Variants in MCF2L2 observed in about 807,000 individuals in gnomAD.
MCF2L2 encodes the protein MCF.2 cell line derived transforming sequence-like 2, also known as probable guanine nucleotide exchange factor MCF2L2.
Under a neutral mutation model 150.2 loss-of-function variants are expected in MCF2L2, and 102 were observed. The observed-to-expected ratio is 0.68, with a 90% CI of 0.58 to 0.80. The LOEUF (loss-of-function observed/expected upper bound fraction) is 0.80. Among genes scored for constraint, MCF2L2 ranks in the 30% least tolerant of loss-of-function variants. The pLI, the probability that MCF2L2 is intolerant of heterozygous loss-of-function variation, is 0.00. For synonymous variants in MCF2L2, 465 were observed against 491.3 expected, an observed-to-expected ratio of 0.95 and a Z score of 0.71; for missense variants, 1,256 against 1,372.8, an observed-to-expected ratio of 0.91 and a Z score of 1.34.
chr3:183,276,908 T>C lies in MCF2L2; in HGVS notation c.1826A>G (p.Glu609Gly). The part of the protein sequence containing the change: ...SHHERGNPEL[E>G]QQARLGDLSP... Reference sequence around the variant, plus strand: ...AAGGTCTCCGAGCCTGGCCTGCTGCTCCAGCTCAGGGTTCCCCCTTTCATG... The same window carrying C: ...AAGGTCTCCGAGCCTGGCCTGCTGCCCCAGCTCAGGGTTCCCCCTTTCATG... The change falls in exon 15 of 30, where the codon GAG becomes GGG. Residue 609 changes from glutamate to glycine, a missense_variant. Glu to Gly is a moderately conservative substitution (Grantham distance 98). Transcript: ENST00000328913. 6.2e-7 allele frequency: 1 copy of C among 1,611,388 alleles called. No homozygotes were observed. The highest frequency in any genetic ancestry group is 8.5e-7 in the Non-Finnish European group (1 of 1,178,642).
chr3:183,308,081 A>G (rs939618449), intron 10 of MCF2L2, among the ~76,000 whole-genome samples: 5 of 152,082 alleles, frequency 3.3e-5, no homozygotes. Context: ...TTTCTTTTTT[A>G]TATCACTTGT....
At chr3:183,228,797 A>G (rs1403040246) in intron 17 of MCF2L2, among the ~76,000 whole-genome samples, 2 of 152,200 alleles carry the variant, frequency 1.3e-5, no homozygotes, top group African/African-American at 2.4e-5. Context: ...AGTAACGTTC[A>G]TAAGAACTGC....
At chr3:183,357,359 A>C (rs1047079485) in intron 3 of MCF2L2, among the ~76,000 whole-genome samples, 8 of 152,212 alleles carry the variant, frequency 5.3e-5, no homozygotes, top group African/African-American at 1.9e-4. Flanking sequence ...CGATCTAAGG[A>C]GTGCTAAGAG....
chr3:183,336,866 T>A (rs2262300), intron 5 of MCF2L2, among the ~76,000 whole-genome samples: 82,199 of 114,308 alleles, frequency 0.72, 26,732 homozygotes, highest in Admixed American at 0.76. Context: ...AAAAAAAAAA[T>A]ATATATATAT....
At chr3:183,263,864 C>T (rs1725847177) in intron 15 of MCF2L2, among the ~76,000 whole-genome samples, 1 of 152,188 alleles carries the variant, frequency 6.6e-6, no homozygotes, top group Non-Finnish European at 1.5e-5. Context: ...GGTCATTCAT[C>T]AGGTCCTGCT....
intron 15 of MCF2L2, among the ~76,000 whole-genome samples, chr3:183,239,830 C>T (rs867312078): frequency 3.9e-5 from 6 of 152,220 alleles, no homozygotes; most frequent in African/African-American, 1.4e-4. Context: ...TTGTCTTCCT[C>T]CTAGACCTTT....
chr3:183,203,074 A>G (rs2108643922), intron 25 of MCF2L2, among the ~76,000 whole-genome samples: 1 of 152,206 alleles, frequency 6.6e-6, no homozygotes, highest in South Asian at 2.1e-4. Flanking sequence ...TTAGCCAGGC[A>G]TGGTGGCGTG....
chr3:183,294,486 G>T (rs887394165), intron 13 of MCF2L2, among the ~76,000 whole-genome samples: 2 of 150,360 alleles, frequency 1.3e-5, no homozygotes, highest in African/African-American at 4.9e-5. Context: ...TGAGTAGCTG[G>T]GATTACAGGC....
chr3:183,228,302 T>C lies in MCF2L2; in HGVS notation c.2110A>G (p.Lys704Glu). Residue 704 changes from lysine (K) to glutamate (E), a missense_variant, in exon 18 of 30, where the codon AAG becomes GAG. Physicochemically the swap from Lys to Glu is moderately conservative, Grantham distance 56. Transcript: ENST00000328913. ...TACTGGGAGTACAGACTTACTCTCTTGAGAAAGCAATGTGCCAGAAGTTCA... is the reference window on the plus strand; with the variant it reads ...TACTGGGAGTACAGACTTACTCTCTCGAGAAAGCAATGTGCCAGAAGTTCA... ...NPELLAHCFL[K>E]RKEDLQIYFK... 6.2e-7 allele frequency: 1 copy of C among 1,608,626 alleles called. No individual in the cohort carries two copies. The highest frequency in any genetic ancestry group is 8.5e-7 in the Non-Finnish European group (1 of 1,175,116).
chr3:183,286,867 C>T lies in MCF2L2; in HGVS notation c.1776+2253G>A, dbSNP rs138011272. Among the ~76,000 whole-genome samples the T allele has an allele frequency of 1.7e-3, 254 of 152,258 alleles. 2 individuals carry two copies. The highest frequency in any genetic ancestry group is 7.9e-3 in the South Asian group (38 of 4,824). Reference sequence around the variant, plus strand: ...TGTGGGAGAAGCTTTTCATTAAATACGCAAACAAATCAACAATAAGGAAGA... The same window carrying T: ...TGTGGGAGAAGCTTTTCATTAAATATGCAAACAAATCAACAATAAGGAAGA... On this transcript the variant is annotated intron_variant, in intron 14 of 29. Coordinates refer to ENST00000328913, the MANE Select transcript of MCF2L2 (RefSeq NM_015078.4).
chr3:183,402,027 AG>A (rs1388361020), intron 1 of MCF2L2, among the ~76,000 whole-genome samples: 2 of 152,200 alleles, frequency 1.3e-5, no homozygotes, highest in Non-Finnish European at 2.9e-5. Context: ...CAGTTGTACT[AG>A]AAAGCACTTC....
rs780396518 is a variant in MCF2L2 at position 183,389,765 on chromosome 3, G to A, written c.91C>T (p.Gln31Ter). The change falls in exon 2 of 30, where the codon CAG becomes TAG. Residue 31 changes from glutamine to a stop codon, truncating the protein, a stop_gained. Coordinates refer to ENST00000328913, the MANE Select transcript of MCF2L2 (RefSeq NM_015078.4). LOFTEE classifies it high-confidence loss of function. ...ACCGCCATCAGGGGTCTGACTTCCT[G>A]CTGCATAATTTCATCTGCACAAATG... ...VITHVDEIMQ[Q>*]EVRPLMAVEI... 6.2e-7 allele frequency: 1 copy of A among 1,613,754 alleles called. No homozygotes were observed. The highest frequency in any genetic ancestry group is 8.5e-7 in the Non-Finnish European group (1 of 1,179,778).
At chr3:183,188,807 C>T (rs889055399) in intron 27 of MCF2L2, among the ~76,000 whole-genome samples, 4 of 152,078 alleles carry the variant, frequency 2.6e-5, no homozygotes, top group African/African-American at 9.7e-5. Flanking sequence ...GTCTCCTCTA[C>T]TAAAAATTCA....
chr3:183,193,403 T>C (rs1264430202), intron 26 of MCF2L2, among the ~76,000 whole-genome samples: 1 of 148,210 alleles, frequency 6.7e-6, no homozygotes, highest in East Asian at 2.0e-4. Context: ...CAGGCTGGAG[T>C]GCAGTGGCGC....
chr3:183,316,039 T>C (rs1729589277), intron 7 of MCF2L2, among the ~76,000 whole-genome samples: 2 of 152,186 alleles, frequency 1.3e-5, no homozygotes, highest in Non-Finnish European at 2.9e-5. Context: ...CTGGGCGTCC[T>C]TCCCATGACA....
chr3:183,386,651 G>C (rs982977904), intron 2 of MCF2L2, among the ~76,000 whole-genome samples: 3 of 152,160 alleles, frequency 2.0e-5, no homozygotes, highest in African/African-American at 7.2e-5. Context: ...TACCTTACTT[G>C]CCTGAATCAG....
rs1313836821 is a variant in MCF2L2 at position 183,428,470 on chromosome 3, G to A, written c.-493C>T. 2 of 155,872 alleles carry A rather than the reference G, an allele frequency of 1.3e-5. No homozygotes were observed. The highest frequency in any genetic ancestry group is 2.8e-5 in the Non-Finnish European group (2 of 70,896). 9.7% of individuals were successfully genotyped at this position (155,872 alleles called of 1,614,324 possible). ...CTCGTCCAGCCCACGGGTGGCGCCCGGGGCTCTCGGGGAGGCACGCACGCT... is the reference window on the plus strand; with the variant it reads ...CTCGTCCAGCCCACGGGTGGCGCCCAGGGCTCTCGGGGAGGCACGCACGCT... On this transcript the variant is annotated 5_prime_UTR_variant, in exon 1 of 30. Transcript: ENST00000328913. The surrounding 1 kb of genome is among the most constrained non-coding windows in gnomAD (Gnocchi z 5.1).
At chr3:183,230,293 T>C (rs1193180624) in intron 16 of MCF2L2, among the ~76,000 whole-genome samples, 2 of 152,178 alleles carry the variant, frequency 1.3e-5, no homozygotes, top group Non-Finnish European at 2.9e-5. Flanking sequence ...TTCGTATTTT[T>C]AGTAGAGACA....
intron 3 of MCF2L2, among the ~76,000 whole-genome samples, chr3:183,361,107 A>AAGACAAGACAAGACAAGACAAGAC (rs1560040349): frequency 8.7e-5 from 8 of 91,532 alleles, no homozygotes; most frequent in African/African-American, 6.2e-4. Context: ...CAAGACAAGA[A>AAGACAAGACAAGACAAGACAAGAC]AAGAAAAAAG....
Sources: gnomAD v4.1 joint callset for allele counts (sites outside exome capture counted in the v4.1 genomes callset) on GRCh38, gnomAD v4.1.1 for gene constraint, Gnocchi (gnomAD v3.1) non-coding constraint, MANE v1.5 for transcripts, NCBI Gene and HGNC (gene_info 2026-07-23, HGNC 2026-07-21) for gene names.